Variants in ATRNL1 observed in about 807,000 individuals in gnomAD.
The protein encoded by ATRNL1 is attractin like 1, also known as attractin-like protein 1.
A neutral mutation model predicts 182.7 loss-of-function variants in ATRNL1; 95 were observed. That is an observed-to-expected ratio of 0.52 (90% CI 0.44 to 0.62). The LOEUF (loss-of-function observed/expected upper bound fraction) is 0.62, where lower values mean the gene tolerates loss of function less well. ATRNL1 is among the 20% of genes least tolerant of loss of function. The pLI, the probability that ATRNL1 is intolerant of heterozygous loss-of-function variation, is 0.00. For synonymous variants in ATRNL1, 576 were observed against 568.3 expected (o/e 1.01, Z -0.19); for missense variants, 1,471 against 1,679.5 (o/e 0.88, Z 2.17).
At chr10:115,550,147 G>A (rs1407738330) in intron 26 of ATRNL1, among the ~76,000 whole-genome samples, 2 of 151,802 alleles carry the variant, frequency 1.3e-5, no homozygotes, top group East Asian at 1.9e-4. Flanking sequence ...TTCGTTAATC[G>A]AAAGGAACGA....
In ATRNL1 at chr10:115,093,489, G is replaced by A. The variant is rs1479359344; in HGVS notation, c.-262G>A. 34 of 629,726 alleles carry A rather than the reference G, an allele frequency of 5.4e-5. No individual in the cohort carries two copies. The highest frequency in any genetic ancestry group is 9.0e-5 in the Non-Finnish European group (31 of 345,970). The allele number at this position is 629,726 out of a possible 1,614,324, so 39.0% of individuals were successfully genotyped here. A position where few individuals can be genotyped will look rare whatever the true frequency, so the allele number is the denominator to read the frequency against. Reference sequence around the variant, plus strand: ...GCTCCCCGCCTCCGGCCGGGTCCGGGACGCCGCGGCTGTGGGGTCGGCCCG... The same window carrying A: ...GCTCCCCGCCTCCGGCCGGGTCCGGAACGCCGCGGCTGTGGGGTCGGCCCG... On this transcript the variant is annotated 5_prime_UTR_variant, in exon 1 of 29. Transcript: ENST00000355044. The surrounding 1 kb of genome is among the most constrained non-coding windows in gnomAD (Gnocchi z 6.1).
chr10:115,715,919 GAA>G (rs1441604570), intron 26 of ATRNL1, among the ~76,000 whole-genome samples: 1 of 152,112 alleles, frequency 6.6e-6, no homozygotes, highest in African/African-American at 2.4e-5. Context: ...CCAAATCTGG[GAA>G]TGAGTTACTC....
At chr10:115,144,393 C>T (rs575545189) in intron 5 of ATRNL1, among the ~76,000 whole-genome samples, 24 of 152,104 alleles carry the variant, frequency 1.6e-4, no homozygotes, top group Admixed American at 5.9e-4. Flanking sequence ...CTCCTGACCT[C>T]GTGATCCGCC....
chr10:115,233,862 T>C (rs1850063640), intron 9 of ATRNL1, among the ~76,000 whole-genome samples: 1 of 152,120 alleles, frequency 6.6e-6, no homozygotes, highest in African/African-American at 2.4e-5. Flanking sequence ...TAATGTATTA[T>C]GTGTTTTTTT....
intron 18 of ATRNL1, among the ~76,000 whole-genome samples, chr10:115,322,984 A>C (rs76293861): frequency 4.6e-5 from 7 of 151,950 alleles, no homozygotes; most frequent in Non-Finnish European, 7.4e-5. Flanking sequence ...TGTCCTATTT[A>C]GAGTTTTTTA....
intron 1 of ATRNL1, among the ~76,000 whole-genome samples, chr10:115,105,936 C>T (rs1035331677): frequency 3.9e-5 from 6 of 152,170 alleles, no homozygotes; most frequent in African/African-American, 1.4e-4. Flanking sequence ...CACACAGAGT[C>T]CCTACTGGAA....
intron 26 of ATRNL1, among the ~76,000 whole-genome samples, chr10:115,600,141 A>G (rs557334111): frequency 1.4e-3 from 213 of 152,276 alleles, no homozygotes; most frequent in African/African-American, 4.5e-3. Flanking sequence ...ATGTTGAGAT[A>G]TATCAGTAAT....
At chr10:115,736,802 C>T (rs1555065867) in intron 27 of ATRNL1, among the ~76,000 whole-genome samples, 1 of 151,978 alleles carries the variant, frequency 6.6e-6, no homozygotes, top group Non-Finnish European at 1.5e-5. Flanking sequence ...GCGTCTTGCT[C>T]TGTCGCCCAG....
At chr10:115,181,165 G>C (rs1847732965) in intron 8 of ATRNL1, among the ~76,000 whole-genome samples, 1 of 151,826 alleles carries the variant, frequency 6.6e-6, no homozygotes, top group South Asian at 2.1e-4. Flanking sequence ...TTAGAGCTAA[G>C]ACTAAAATAA....
chr10:115,543,811 G>A (rs2420087), intron 25 of ATRNL1, among the ~76,000 whole-genome samples: 106,493 of 152,042 alleles, frequency 0.7, 38,395 homozygotes, highest in African/African-American at 0.79. Context: ...ATAAAATCAA[G>A]TTATTGAAAT....
rs192181377 is a variant in ATRNL1 at position 115,377,206 on chromosome 10, G to A, written c.3176-17453G>A. 3.3e-3 allele frequency among the ~76,000 whole-genome samples: 499 copies of A among 152,166 alleles called. 2 individuals are homozygous for A. The highest frequency in any genetic ancestry group is 0.012 in the African/African-American group (478 of 41,518). On this transcript the variant is annotated intron_variant, in intron 19 of 28. Transcript: ENST00000355044. ...AGCTCCCATAATTTCTCATGTTGTG[G>A]GAGGGACCCAGTGGGAGATAACTGA...
chr10:115,579,715 A>G (rs1445627449), intron 26 of ATRNL1, among the ~76,000 whole-genome samples: 1 of 151,948 alleles, frequency 6.6e-6, no homozygotes, highest in African/African-American at 2.4e-5. Context: ...TAAACCATTT[A>G]TATTTAAAGT....
At position 115,203,229 on chromosome 10, in the gene ATRNL1, A is replaced by T. The variant is rs140708515; in HGVS notation, c.1349-12468A>T. ...CCATCTACAAGTATAAAAGTTTTCAAAAAAGTGGTAATACTCCACCAACAA... is the reference window on the plus strand; with the variant it reads ...CCATCTACAAGTATAAAAGTTTTCATAAAAGTGGTAATACTCCACCAACAA... On this transcript the variant is annotated intron_variant, in intron 8 of 28. Transcript: ENST00000355044. Among the ~76,000 whole-genome samples the T allele has an allele frequency of 4.8e-3, 733 of 152,266 alleles. 4 individuals carry two copies. Among genetic ancestry groups the T allele is most frequent in the African/African-American group, 0.016 (645 of 41,584 alleles).
intron 26 of ATRNL1, among the ~76,000 whole-genome samples, chr10:115,594,619 G>GT (rs1473213017): frequency 6.6e-6 from 1 of 152,154 alleles, no homozygotes; most frequent in Non-Finnish European, 1.5e-5. Context: ...TGATTCTTCT[G>GT]TATCAGCCTA....
At chr10:115,136,898 C>T (rs1348471577) in intron 5 of ATRNL1, among the ~76,000 whole-genome samples, 2 of 151,970 alleles carry the variant, frequency 1.3e-5, no homozygotes, top group Non-Finnish European at 2.9e-5. Context: ...AGTAAGTCAC[C>T]TGAGGGAAAA....
At chr10:115,933,232 A>C (rs541630084) in intron 28 of ATRNL1, among the ~76,000 whole-genome samples, 3 of 152,360 alleles carry the variant, frequency 2.0e-5, no homozygotes, top group East Asian at 3.9e-4. Flanking sequence ...GACATTGCCC[A>C]GTCTCTTTAC....
intron 26 of ATRNL1, among the ~76,000 whole-genome samples, chr10:115,603,601 C>G (rs1481936117): frequency 6.6e-6 from 1 of 152,140 alleles, no homozygotes; most frequent in Non-Finnish European, 1.5e-5. Context: ...AAACTTCTGA[C>G]AATTTATTTC....
chr10:115,369,685 C>G (rs1486140021), intron 19 of ATRNL1, among the ~76,000 whole-genome samples: 2 of 152,000 alleles, frequency 1.3e-5, no homozygotes, highest in African/African-American at 4.8e-5. Flanking sequence ...ATTTACATTC[C>G]CCCCAACAAT....
chr10:115,430,253 AT>A (rs1317656319), intron 21 of ATRNL1, among the ~76,000 whole-genome samples: 2 of 151,860 alleles, frequency 1.3e-5, no homozygotes, highest in Admixed American at 6.5e-5. Context: ...TAGTTATTTT[AT>A]TTTTTTATTT....
Sources: allele counts gnomAD v4.1 joint callset (sites outside exome capture counted in the v4.1 genomes callset), GRCh38; gene constraint gnomAD v4.1.1; non-coding constraint Gnocchi (gnomAD v3.1); transcripts MANE v1.5; gene names NCBI Gene and HGNC (gene_info 2026-07-23, HGNC 2026-07-21).